The following NCKAP5 variants were observed in gnomAD, a reference collection of about 807,000 sequenced individuals.
NCKAP5 encodes NCK associated protein 5.
Under a neutral mutation model 167.0 loss-of-function variants are expected in NCKAP5, and 92 were observed. That is an observed-to-expected ratio of 0.55 (90% confidence interval 0.47 to 0.66). NCKAP5 has a LOEUF of 0.66. Among genes scored for constraint, NCKAP5 ranks in the 30% least tolerant of loss-of-function variants. The pLI is 0.00. For synonymous variants in NCKAP5, 891 were observed against 877.4 expected (o/e 1.02, Z -0.27); for missense variants, 2,378 against 2,315.0 (o/e 1.03, Z -0.56).
rs553923454 is a variant in NCKAP5 at position 132,694,668 on chromosome 2, A to G, written c.5714-21363T>C. Among the ~76,000 whole-genome samples the G allele has an allele frequency of 5.5e-4, 84 of 152,186 alleles. 1 individual carries two copies. The highest frequency in any genetic ancestry group is 9.1e-4 in the Non-Finnish European group (62 of 68,036). On this transcript the variant is annotated intron_variant, in intron 19 of 19. Transcript: ENST00000409261. ...TTCAATCACCTAAGAATGATAACCA[A>G]ACAAATAATTGAGTTACTGACTCAG...
chr2:132,873,788 T>C (rs1383899760), intron 9 of NCKAP5, among the ~76,000 whole-genome samples: 1 of 152,228 alleles, frequency 6.6e-6, no homozygotes, highest in African/African-American at 2.4e-5. Flanking sequence ...TGCTCATCTC[T>C]GAAGAGATAA....
chr2:132,789,967 A>T, intron 13 of NCKAP5, 56 bp downstream of exon 13: 2 of 1,516,988 alleles, frequency 1.3e-6, no homozygotes, highest in Non-Finnish European at 1.8e-6. Flanking sequence ...CTCCATGACC[A>T]AATCCTACCA....
chr2:132,965,206 C>T (rs1032781607), intron 7 of NCKAP5, among the ~76,000 whole-genome samples: 2 of 152,100 alleles, frequency 1.3e-5, no homozygotes, highest in African/African-American at 4.8e-5. Context: ...AAATCAGGCC[C>T]AAGCATGTGT....
intron 5 of NCKAP5, among the ~76,000 whole-genome samples, chr2:133,140,515 T>C (rs533189081): frequency 9.2e-5 from 14 of 152,262 alleles, no homozygotes; most frequent in Non-Finnish European, 1.5e-4. Context: ...AGATTTTTCA[T>C]CCTCCCATCT....
intron 6 of NCKAP5, among the ~76,000 whole-genome samples, chr2:133,048,378 A>G (rs1219951979): frequency 6.6e-6 from 1 of 152,226 alleles, no homozygotes; most frequent in Non-Finnish European, 1.5e-5. Flanking sequence ...TATGTAGTTC[A>G]TAGTATCCAA....
At chr2:133,672,718 C>T in the NCKAP5 span, among the ~76,000 whole-genome samples, 1 of 152,136 alleles carries the variant, frequency 6.6e-6, no homozygotes, top group East Asian at 1.9e-4. Flanking sequence ...GGCTCTGTTT[C>T]CATAAAACTT....
chr2:132,898,148 C>A (rs1257353606), intron 8 of NCKAP5, among the ~76,000 whole-genome samples: 1 of 152,210 alleles, frequency 6.6e-6, no homozygotes, highest in Non-Finnish European at 1.5e-5. Context: ...ATGCTGAAAT[C>A]TTCGTTGTCA....
intron 4 of NCKAP5, among the ~76,000 whole-genome samples, chr2:133,299,830 A>G (rs1209052956): frequency 6.6e-6 from 1 of 152,182 alleles, no homozygotes; most frequent in Non-Finnish European, 1.5e-5. Context: ...CAATTTCGGT[A>G]CAATATGAGG....
chr2:133,574,916 G>T, the NCKAP5 span, among the ~76,000 whole-genome samples: 1 of 152,194 alleles, frequency 6.6e-6, no homozygotes, highest in African/African-American at 2.4e-5. Flanking sequence ...CAGGGCCAGG[G>T]CTCTAGGGGT....
intron 2 of NCKAP5, among the ~76,000 whole-genome samples, chr2:133,522,676 G>A (rs914018567): frequency 2.6e-5 from 4 of 150,944 alleles, no homozygotes; most frequent in African/African-American, 9.9e-5. Flanking sequence ...ATACAATTTT[G>A]TTTAGCAAAG....
At chr2:132,852,040 T>G (rs1298884856) in intron 11 of NCKAP5, among the ~76,000 whole-genome samples, 2 of 152,214 alleles carry the variant, frequency 1.3e-5, no homozygotes, top group Non-Finnish European at 2.9e-5. Flanking sequence ...ATCTGCATAA[T>G]CAAATCCCCA....
chr2:133,258,698 A>T (rs1363677111), intron 4 of NCKAP5, among the ~76,000 whole-genome samples: 1 of 151,788 alleles, frequency 6.6e-6, no homozygotes, highest in East Asian at 1.9e-4. Flanking sequence ...GTGAGCCGAG[A>T]TTGTGCCACT....
intron 2 of NCKAP5, among the ~76,000 whole-genome samples, chr2:133,543,797 T>G (rs1470163714): frequency 6.6e-6 from 1 of 152,264 alleles, no homozygotes; most frequent in East Asian, 1.9e-4. Context: ...TTCCTTTGTG[T>G]GTCTACAACT....
the NCKAP5 span, among the ~76,000 whole-genome samples, chr2:133,582,763 A>G: frequency 6.6e-6 from 1 of 152,236 alleles, no homozygotes; most frequent in South Asian, 2.1e-4. Context: ...AGTGAATAAC[A>G]TATTTCCAGT....
intron 11 of NCKAP5, among the ~76,000 whole-genome samples, chr2:132,844,117 G>T (rs976357285): frequency 3.9e-5 from 6 of 152,184 alleles, no homozygotes; most frequent in Middle Eastern, 3.4e-3. Flanking sequence ...AATCTACCAT[G>T]AAATTATCTG....
intron 4 of NCKAP5, among the ~76,000 whole-genome samples, chr2:133,255,640 C>A (rs539584051): frequency 2.6e-5 from 4 of 152,268 alleles, no homozygotes; most frequent in East Asian, 3.9e-4. Context: ...TACAAGATGT[C>A]CCATAAAGAC....
intron 19 of NCKAP5, among the ~76,000 whole-genome samples, chr2:132,703,268 A>C (rs918926586): frequency 6.6e-6 from 1 of 152,356 alleles, no homozygotes; most frequent in East Asian, 1.9e-4. Flanking sequence ...GACATGCTCA[A>C]ATACATATAT....
At chr2:133,574,284 T>C in the NCKAP5 span, among the ~76,000 whole-genome samples, 1 of 152,082 alleles carries the variant, frequency 6.6e-6, no homozygotes, top group East Asian at 1.9e-4. Context: ...CCCCACCAGA[T>C]CATAATAGTC....
intron 3 of NCKAP5, among the ~76,000 whole-genome samples, chr2:133,389,519 T>C (rs1247029058): frequency 6.6e-6 from 1 of 152,216 alleles, no homozygotes; most frequent in East Asian, 1.9e-4. Flanking sequence ...CGTTTTGGTA[T>C]GTATTAGAGA....
Sources: allele counts gnomAD v4.1 joint callset (sites outside exome capture counted in the v4.1 genomes callset), GRCh38; gene constraint gnomAD v4.1.1; transcripts MANE v1.5; gene names NCBI Gene and HGNC (gene_info 2026-07-23, HGNC 2026-07-21).